The following IGFLR1 variants were observed in gnomAD, a reference collection of about 807,000 sequenced individuals.
IGFLR1 encodes IGF like family receptor 1.
In IGFLR1, 17 loss-of-function variants were observed where a neutral mutation model predicts 23.4. The ratio of observed to expected loss-of-function variants is 0.73; its 90% CI spans 0.50 to 1.09. The LOEUF (loss-of-function observed/expected upper bound fraction) is 1.09, where lower values mean the gene tolerates loss of function less well. Among genes scored for constraint, IGFLR1 ranks in the 50% least tolerant of loss-of-function variants. The pLI, the probability that IGFLR1 is intolerant of heterozygous loss-of-function variation, is 0.00. For missense variants in IGFLR1, 556 were observed against 459.2 expected (o/e 1.21, Z -1.93); for synonymous variants, 265 against 210.7 (o/e 1.26, Z -2.23).
At chr19:35,741,816 CA>C (rs796886386) in intron 1 of IGFLR1, among the ~76,000 whole-genome samples, 1 of 148,794 alleles carries the variant, frequency 6.7e-6, no homozygotes, top group East Asian at 2.0e-4. Context: ...TCTCTAAAAA[CA>C]AAAAAAACTG....
At position 35,742,436 on chromosome 19, in the gene IGFLR1, T is replaced by C. The variant is rs1352845153; in HGVS notation, c.-84A>G. The C allele has an allele frequency of 2.0e-6, 3 of 1,536,396 alleles. No individual in the cohort carries two copies. The Admixed American group carries it at 5.9e-5, about 30-fold the overall frequency. On this transcript the variant is annotated 5_prime_UTR_variant, in exon 1 of 5. Coordinates refer to ENST00000246532, the MANE Select transcript of IGFLR1 (RefSeq NM_024660.4). ...TCCCAAGCTGGCCGTGCCAAGTTCC[T>C]CAGCTGAAGTTGTGGCCAGGACCCA...
chr19:35,739,192 C>T lies in IGFLR1; in HGVS notation c.*88G>A. On this transcript the variant is annotated 3_prime_UTR_variant, in exon 5 of 5. Coordinates refer to ENST00000246532, the MANE Select transcript of IGFLR1 (RefSeq NM_024660.4). The stretch of plus-strand genomic sequence containing the variant: ...AGAGCAGTGAGGCTATCTGTTGGGT[C>T]TTTGCCCAATTAGGATTGTACTTCA... The T allele has an allele frequency of 1.6e-6, 2 of 1,254,644 alleles. No individual in the cohort carries two copies. Among genetic ancestry groups the T allele is most frequent in the Non-Finnish European group, 2.2e-6 (2 of 914,904 alleles). 77.7% of individuals were successfully genotyped at this position (1,254,644 alleles called of 1,614,324 possible). A position where few individuals can be genotyped will look rare whatever the true frequency, so the allele number is the denominator to read the frequency against.
At position 35,742,401 on chromosome 19, in the gene IGFLR1, G is replaced by A; in HGVS notation, c.-49C>T. On this transcript the variant is annotated 5_prime_UTR_variant, in exon 1 of 5. Coordinates refer to ENST00000246532, the MANE Select transcript of IGFLR1 (RefSeq NM_024660.4). ...TGTCCCCACCCTACCAGTACCGTTA[G>A]GGTCCTGGGTCCCAAGCTGGCCGTG... 6.5e-7 allele frequency: 1 copy of A among 1,531,772 alleles called. No homozygotes were observed. Among genetic ancestry groups the A allele is most frequent in the Non-Finnish European group, 8.7e-7 (1 of 1,144,486 alleles). The allele number at this position is 1,531,772 out of a possible 1,614,324, so 94.9% of individuals were successfully genotyped here.
chr19:35,741,164 CA>C lies in IGFLR1; in HGVS notation c.16del (p.Cys6AlafsTer3). 6.2e-7 allele frequency: 1 copy of C among 1,606,246 alleles called. No individual in the cohort carries two copies. Among genetic ancestry groups the C allele is most frequent in the South Asian group, 1.1e-5 (1 of 90,470 alleles). The stretch of plus-strand genomic sequence containing the variant: ...CAGAAGCAACAAGGCCGTCAGGAGG[CA>C]TCGTCCAGGCCCCATCTGGGGGGCC... The part of the protein sequence containing the change: MGPGR[C>X]LLTALLLLAL... On this transcript the variant is annotated frameshift_variant, in exon 2 of 5. Coordinates refer to ENST00000246532, the MANE Select transcript of IGFLR1 (RefSeq NM_024660.4). LOFTEE classifies it high-confidence loss of function.
rs1191791557 is a variant in IGFLR1, at chr19:35,739,350, G to A, written c.998C>T (p.Ala333Val). Residue 333 changes from alanine to valine, a missense_variant, in exon 5 of 5, where the codon GCC becomes GTC. Coordinates refer to ENST00000246532, the MANE Select transcript of IGFLR1 (RefSeq NM_024660.4). ...CAATGCATCTGCCCGCCCTAGCTGGGCGAGGTGTGTGCCAAGCTGGCCCAG... is the reference window on the plus strand; with the variant it reads ...CAATGCATCTGCCCGCCCTAGCTGGACGAGGTGTGTGCCAAGCTGGCCCAG... ...ASLGQLGTHL[A>V]QLGRADALRV... The A allele has an allele frequency of 4.3e-6, 7 of 1,611,576 alleles. No homozygotes were observed. In the African/African-American group the frequency reaches 9.3e-5, roughly 22 times the overall value.
intron 2 of IGFLR1, 97 bp downstream of exon 2, chr19:35,740,927 C>A (rs945968554): frequency 7.4e-6 from 9 of 1,209,488 alleles, no homozygotes; most frequent in Non-Finnish European, 1.1e-5. Flanking sequence ...GACCCCTAAG[C>A]AAGCCTCTCT....
chr19:35,739,697 C>T lies in IGFLR1; in HGVS notation c.721+13G>A, dbSNP rs764607065. The T allele has an allele frequency of 1.3e-5, 20 of 1,558,614 alleles. No individual in the cohort carries two copies. The Admixed American group carries it at 1.5e-4, about 11-fold the overall frequency. The stretch of plus-strand genomic sequence containing the variant: ...GTCCACCTTCCCTGCCCCGGGGCTC[C>T]TCCAGGACTAACCCCTGCTCAGGAG... On this transcript the variant is annotated intron_variant, in intron 4 of 4. Coordinates refer to ENST00000246532, the MANE Select transcript of IGFLR1 (RefSeq NM_024660.4).
At position 35,740,259 on chromosome 19, in the gene IGFLR1, C is replaced by G. The variant is rs950458434; in HGVS notation, c.342+121G>C. The G allele has an allele frequency of 1.5e-5, 20 of 1,342,390 alleles. No homozygotes were observed. In the East Asian group the frequency reaches 5.1e-4, roughly 34 times the overall value. The allele number at this position is 1,342,390 out of a possible 1,614,324, so 83.2% of individuals were successfully genotyped here. A position where few individuals can be genotyped will look rare whatever the true frequency, so the allele number is the denominator to read the frequency against. On this transcript the variant is annotated intron_variant, in intron 3 of 4. Transcript: ENST00000246532. ...ACCTTAACCTAGGACCTCCCGACCC[C>G]TGCAGGCCAGCCACCTCCTGAAACC...
rs1311114832 is a variant in IGFLR1 at position 35,739,929 on chromosome 19, C to T, written c.502G>A (p.Val168Ile). 1.2e-6 allele frequency: 2 copies of T among 1,614,182 alleles called. No homozygotes were observed. Among genetic ancestry groups the T allele is most frequent in the Non-Finnish European group, 1.7e-6 (2 of 1,180,020 alleles). ...WPNFLPLVVL[V>I]LLLTLAVIAI... ...ATCACCGCCAAGGTCAGGAGCAGGA[C>T]CAGCACCACGAGCGGAAGGAAATTC... The change falls in exon 4 of 5, where the codon GTC becomes ATC. Residue 168 changes from valine to isoleucine, a missense_variant. Val to Ile is a conservative substitution (Grantham distance 29). Transcript: ENST00000246532.
rs761731130 is a variant in IGFLR1 at position 35,739,970 on chromosome 19, G to C, written c.461C>G (p.Pro154Arg). Reference sequence around the variant, plus strand: ...AAGGAAATTCGGCCAGGCCTGCTGAGGGACAGGCTCAGGGGTCCTCCAGGC... The same window carrying C: ...AAGGAAATTCGGCCAGGCCTGCTGACGGACAGGCTCAGGGGTCCTCCAGGC... Reference protein sequence around the residue: ...SIAWRTPEPVPQQAWPNFLPL... With the variant: ...SIAWRTPEPVRQQAWPNFLPL... Residue 154 changes from proline to arginine, a missense_variant, in exon 4 of 5, where the codon CCT becomes CGT. By Grantham distance (103) the Pro-to-Arg change is moderately radical (BLOSUM62 -2). Coordinates refer to ENST00000246532, the MANE Select transcript of IGFLR1 (RefSeq NM_024660.4). The C allele has an allele frequency of 6.8e-6, 11 of 1,614,066 alleles. No individual in the cohort carries two copies. Among genetic ancestry groups the C allele is most frequent in the Non-Finnish European group, 9.3e-6 (11 of 1,180,034 alleles).
intron 2 of IGFLR1, 37 bp downstream of exon 2, chr19:35,740,987 A>T (rs768972497): frequency 6.2e-7 from 1 of 1,601,302 alleles, no homozygotes; most frequent in Non-Finnish European, 8.5e-7. Flanking sequence ...ATCACCTGCA[A>T]GCTCCGCCCA....
chr19:35,741,026 G>A lies in IGFLR1; in HGVS notation c.155C>T (p.Pro52Leu), dbSNP rs754957449. 3 of 1,611,064 alleles carry A rather than the reference G, an allele frequency of 1.9e-6. No individual in the cohort carries two copies. The highest frequency in any genetic ancestry group is 3.4e-5 in the Admixed American group (2 of 59,584). The change falls in exon 2 of 5, where the codon CCG (proline) becomes CTG (leucine). Residue 52 changes from proline to leucine, a missense_variant and splice_region_variant. Physicochemically the swap from Pro to Leu is moderately conservative, Grantham distance 98. Transcript: ENST00000246532. ...AAGGCTCGGTCTCGGATTCTCACCC[G>A]GGCAGGGGGGCGGCCCGAAGCGTTG... ...CLQRFGPPPCPDYEFRENCGL... is the reference protein window; with the variant it reads ...CLQRFGPPPCLDYEFRENCGL...
Position 35,739,980 on chromosome 19 carries a change from C to T in IGFLR1, c.451G>A (p.Glu151Lys), listed in dbSNP as rs1568390071. 1.2e-6 allele frequency: 2 copies of T among 1,614,172 alleles called. No individual in the cohort carries two copies. Among genetic ancestry groups the T allele is most frequent in the South Asian group, 1.1e-5 (1 of 91,084 alleles). Residue 151 changes from glutamate (E) to lysine (K), a missense_variant, in exon 4 of 5, where the codon GAG (glutamate) becomes AAG (lysine). Glu to Lys is a moderately conservative substitution (Grantham distance 56). Coordinates refer to ENST00000246532, the MANE Select transcript of IGFLR1 (RefSeq NM_024660.4). The part of the protein sequence containing the change: ...PASSIAWRTP[E>K]PVPQQAWPNF... ...GGCCAGGCCTGCTGAGGGACAGGCT[C>T]AGGGGTCCTCCAGGCAATGGAACTT...
In IGFLR1 at chr19:35,739,459, T is replaced by G; in HGVS notation, c.889A>C (p.Thr297Pro). The G allele has an allele frequency of 6.2e-7, 1 of 1,613,806 alleles. No homozygotes were observed. The highest frequency in any genetic ancestry group is 8.5e-7 in the Non-Finnish European group (1 of 1,179,952). The change falls in exon 5 of 5, where the codon ACC becomes CCC. Residue 297 changes from threonine (T) to proline (P), a missense_variant. Physicochemically the swap from Thr to Pro is conservative, Grantham distance 38. Coordinates refer to ENST00000246532, the MANE Select transcript of IGFLR1 (RefSeq NM_024660.4). Reference sequence around the variant, plus strand: ...CTCGGCCTCAGCGAATAGGCAAAGGTGGACCAGGCAGCAGGCAGCCCATAT... The same window carrying G: ...CTCGGCCTCAGCGAATAGGCAAAGGGGGACCAGGCAGCAGGCAGCCCATAT... ...ARYGLPAAWS[T>P]FAYSLRPSRS...
Position 35,738,979 on chromosome 19 carries a change from A to C in IGFLR1, c.*301T>G. 4.3e-6 allele frequency: 2 copies of C among 459,946 alleles called. No homozygotes were observed. Among genetic ancestry groups the C allele is most frequent in the East Asian group, 3.9e-5 (1 of 25,834 alleles). 28.5% of individuals were successfully genotyped at this position (459,946 alleles called of 1,614,324 possible). ...AGGAAGTTCATCAGCCTCAACAGGT[A>C]GGTGAGGCCATCATTCAGAATTAGA... On this transcript the variant is annotated 3_prime_UTR_variant, in exon 5 of 5. Coordinates refer to ENST00000246532, the MANE Select transcript of IGFLR1 (RefSeq NM_024660.4). This position sits in a 1 kb window ranked among gnomAD's most constrained non-coding sequence, Gnocchi z 8.7.
At chr19:35,741,416 C>T (rs1970226407) in intron 1 of IGFLR1, 193 bp from the exon 2 acceptor site, 5 of 578,244 alleles carry the variant, frequency 8.6e-6, no homozygotes, top group African/African-American at 7.5e-5. Flanking sequence ...ATGCATATCC[C>T]ACCTCTGCCG....
At chr19:35,740,216 GCCCCGCAA>G in intron 3 of IGFLR1, 128 bp from the exon 4 acceptor site, 1 of 1,337,978 alleles carries the variant, frequency 7.5e-7, no homozygotes, top group Non-Finnish European at 9.9e-7. Flanking sequence ...AGGTAGTTGG[GCCCCGCAA>G]GGCCCAACTA....
In IGFLR1 at chr19:35,739,322, C is replaced by G; in HGVS notation, c.1026G>C (p.Arg342=). Residue 342 remains arginine, a synonymous_variant, in exon 5 of 5, where the codon CGG becomes CGC. Coordinates refer to ENST00000246532, the MANE Select transcript of IGFLR1 (RefSeq NM_024660.4). ...CAGATGAGCCAAGCTTGGACAGCAC[C>G]CGCAATGCATCTGCCCGCCCTAGCT... The part of the protein sequence containing the change: ...LAQLGRADAL[R]VLSKLGSSGV... 6 of 1,607,834 alleles carry G rather than the reference C, an allele frequency of 3.7e-6. No homozygotes were observed. Among genetic ancestry groups the G allele is most frequent in the Non-Finnish European group, 5.1e-6 (6 of 1,176,692 alleles).
rs1970023847 is a variant in IGFLR1, at chr19:35,738,805, C to T, written c.*475G>A. On this transcript the variant is annotated 3_prime_UTR_variant, in exon 5 of 5. Coordinates refer to ENST00000246532, the MANE Select transcript of IGFLR1 (RefSeq NM_024660.4). This position sits in a 1 kb window ranked among gnomAD's most constrained non-coding sequence, Gnocchi z 8.7. ...CAAAGGTTTCTAAATCCCTTCTTTT[C>T]TATGCACTTTTTTATTTAAGAGGTG... The T allele has an allele frequency of 1.8e-6, 1 of 542,554 alleles. No individual in the cohort carries two copies. Among genetic ancestry groups the T allele is most frequent in the Admixed American group, 3.6e-5 (1 of 28,070 alleles). 33.6% of individuals were successfully genotyped at this position (542,554 alleles called of 1,614,324 possible). A position where few individuals can be genotyped will look rare whatever the true frequency, so the allele number is the denominator to read the frequency against.
Sources: gnomAD v4.1 joint callset for allele counts (sites outside exome capture counted in the v4.1 genomes callset) on GRCh38, gnomAD v4.1.1 for gene constraint, Gnocchi (gnomAD v3.1) non-coding constraint, MANE v1.5 for transcripts, NCBI Gene and HGNC (gene_info 2026-07-23, HGNC 2026-07-21) for gene names.